The following KALRN variants were observed in gnomAD, a reference collection of about 807,000 sequenced individuals.
KALRN encodes kalirin.
KALRN carries 70 observed loss-of-function variants against 353.7 expected under a neutral mutation model. That is an observed-to-expected ratio of 0.20 (90% CI 0.16 to 0.24). The LOEUF is 0.24. Among genes scored for constraint, KALRN ranks in the 10% least tolerant of loss-of-function variants. The pLI, the probability that KALRN is intolerant of heterozygous loss-of-function variation, is 1.00. For synonymous variants in KALRN, 1,391 were observed against 1,434.8 expected (o/e 0.97, Z 0.69); for missense variants, 2,791 against 3,756.7 (o/e 0.74, Z 6.72).
chr3:124,037,695 A>G (rs1278916425), intron 1 of KALRN, among the ~76,000 whole-genome samples: 2 of 152,006 alleles, frequency 1.3e-5, no homozygotes, highest in Non-Finnish European at 1.5e-5. Flanking sequence ...AAGGATGGGG[A>G]GTCAGGGATG....
intron 1 of KALRN, among the ~76,000 whole-genome samples, chr3:124,143,596 T>C (rs542531105): frequency 6.6e-6 from 1 of 152,126 alleles, no homozygotes; most frequent in African/African-American, 2.4e-5. Context: ...CCTCACAGAG[T>C]GCTAGGAAAC....
intron 1 of KALRN, among the ~76,000 whole-genome samples, chr3:124,147,451 A>G (rs2067508025): frequency 6.6e-6 from 1 of 152,156 alleles, no homozygotes; most frequent in East Asian, 1.9e-4. Context: ...AGGTGGACCT[A>G]TCCTAGTTTG....
chr3:124,292,323 G>A (rs903441468), intron 5 of KALRN, among the ~76,000 whole-genome samples: 1 of 152,172 alleles, frequency 6.6e-6, no homozygotes, highest in African/African-American at 2.4e-5. Flanking sequence ...TTCAGGATAA[G>A]CTAATTCCAG....
intron 2 of KALRN, among the ~76,000 whole-genome samples, chr3:124,228,279 A>G (rs2148498276): frequency 6.6e-6 from 1 of 152,268 alleles, no homozygotes; most frequent in East Asian, 1.9e-4. Flanking sequence ...AACCAAAGGG[A>G]CATTCCCTGA....
chr3:124,521,207 A>G (rs111855790), intron 33 of KALRN, among the ~76,000 whole-genome samples: 1 of 152,336 alleles, frequency 6.6e-6, no homozygotes, highest in Non-Finnish European at 1.5e-5. Flanking sequence ...TGGTTTTCAT[A>G]GGGATTTGTT....
rs368081230 is a variant in KALRN, at chr3:124,268,883, C to G, written c.597C>G (p.Ala199=). 24 of 1,613,986 alleles carry G rather than the reference C, an allele frequency of 1.5e-5. 1 individual carries two copies. The South Asian group carries it at 2.2e-4, about 15-fold the overall frequency. Reference sequence around the variant, plus strand: ...CCCTGGAGGAGTTCTTCAACAGCGCCGTGCACCTGCTCTCGCGCCTCGAGG... The same window carrying G: ...CCCTGGAGGAGTTCTTCAACAGCGCGGTGCACCTGCTCTCGCGCCTCGAGG... ...RLSLEEFFNS[A]VHLLSRLEDL... is the part of the protein sequence containing the mutation. The change falls in exon 5 of 60, where the codon GCC becomes GCG. Residue 199 remains alanine (A), a synonymous_variant. Coordinates refer to ENST00000682506, the MANE Select transcript of KALRN (RefSeq NM_001388419.1).
intron 1 of KALRN, among the ~76,000 whole-genome samples, chr3:124,036,600 A>T (rs2039444016): frequency 6.6e-6 from 1 of 151,848 alleles, no homozygotes; most frequent in Non-Finnish European, 1.5e-5. Flanking sequence ...CTGATTTCCC[A>T]TCTCTGTGGA....
Position 124,294,520 on chromosome 3 carries a change from CTTTT to C in KALRN, c.970-4252_970-4249del, listed in dbSNP as rs397990993. On this transcript the variant is annotated intron_variant, in intron 5 of 59. Coordinates refer to ENST00000682506, the MANE Select transcript of KALRN (RefSeq NM_001388419.1). The stretch of plus-strand genomic sequence containing the variant: ...GGGCTGAGACTAAGAAGATTCTCTT[CTTTT>C]TTTTTTTTTTTTTTTTTTGAGATGG... Among the ~76,000 whole-genome samples, 19 of 73,900 alleles carry C rather than the reference CTTTT, an allele frequency of 2.6e-4. No homozygotes were observed. The South Asian group carries it at 4.9e-3, about 19-fold the overall frequency. The allele number at this position is 73,900 out of a possible 152,430, so 48.5% of individuals were successfully genotyped here.
At chr3:124,298,498 A>G (rs1246697888) in intron 5 of KALRN, among the ~76,000 whole-genome samples, 1 of 152,126 alleles carries the variant, frequency 6.6e-6, no homozygotes, top group Non-Finnish European at 1.5e-5. Context: ...GCATGCTGGT[A>G]ATGGTAAACA....
chr3:124,646,946 A>G (rs1470247163), intron 37 of KALRN, among the ~76,000 whole-genome samples: 1 of 152,186 alleles, frequency 6.6e-6, no homozygotes, highest in Non-Finnish European at 1.5e-5. Context: ...TTATGAAAAT[A>G]TCTTTGGAAC....
intron 1 of KALRN, among the ~76,000 whole-genome samples, chr3:124,101,459 G>T (rs1287243112): frequency 6.6e-6 from 1 of 152,162 alleles, no homozygotes; most frequent in East Asian, 1.9e-4. Context: ...TCATGGTGTT[G>T]GGCTCTACTT....
chr3:124,333,023 C>A (rs1288462953), intron 8 of KALRN, among the ~76,000 whole-genome samples: 1 of 152,134 alleles, frequency 6.6e-6, no homozygotes, highest in Non-Finnish European at 1.5e-5. Flanking sequence ...GGAGGCCTCA[C>A]AATCATGGCA....
intron 1 of KALRN, among the ~76,000 whole-genome samples, chr3:124,209,765 CTTTTGCA>C (rs2076746342): frequency 6.6e-6 from 1 of 152,240 alleles, no homozygotes; most frequent in African/African-American, 2.4e-5. Flanking sequence ...AGAATCTTAA[CTTTTGCA>C]CTAACTGGCT....
At chr3:124,342,289 T>C (rs985814351) in intron 9 of KALRN, among the ~76,000 whole-genome samples, 8 of 152,150 alleles carry the variant, frequency 5.3e-5, no homozygotes, top group African/African-American at 1.7e-4. Context: ...ATTGTACTCA[T>C]TAAGTAATTT....
intron 34 of KALRN, among the ~76,000 whole-genome samples, chr3:124,614,644 C>T (rs1174911262): frequency 6.6e-6 from 1 of 151,268 alleles, no homozygotes; most frequent in Non-Finnish European, 1.5e-5. Flanking sequence ...AATCATGGCT[C>T]ACTGCAGCCT....
At chr3:124,467,128 G>C (rs2060420438) in intron 25 of KALRN, among the ~76,000 whole-genome samples, 1 of 152,194 alleles carries the variant, frequency 6.6e-6, no homozygotes, top group Non-Finnish European at 1.5e-5. Context: ...GGTGTTCCCT[G>C]CTCCGAAGGA....
chr3:124,199,733 A>G (rs941070845), intron 1 of KALRN, among the ~76,000 whole-genome samples: 4 of 152,180 alleles, frequency 2.6e-5, no homozygotes, highest in African/African-American at 9.7e-5. Context: ...CCTGAGCAAT[A>G]TGAGCCTGTA....
intron 14 of KALRN, among the ~76,000 whole-genome samples, chr3:124,422,288 C>T (rs16835396): frequency 0.03 from 4,560 of 152,008 alleles, 187 homozygotes; most frequent in East Asian, 0.11. Context: ...GCGACACTTG[C>T]GGGGAATTTA....
At chr3:124,680,350 G>A (rs1042982558) in intron 51 of KALRN, among the ~76,000 whole-genome samples, 4 of 152,214 alleles carry the variant, frequency 2.6e-5, no homozygotes, top group Non-Finnish European at 4.4e-5. Flanking sequence ...TGGCTCTTAC[G>A]TGGCTTGCCA....
Sources: gnomAD v4.1 joint callset for allele counts (sites outside exome capture counted in the v4.1 genomes callset) on GRCh38, gnomAD v4.1.1 for gene constraint, MANE v1.5 for transcripts, NCBI Gene and HGNC (gene_info 2026-07-23, HGNC 2026-07-21) for gene names.